C6orf163: variants seen among roughly 807,000 people sequenced by gnomAD.
C6orf163 encodes chromosome 6 open reading frame 163.
Under a neutral mutation model 28.4 loss-of-function variants are expected in C6orf163, and 22 were observed. The ratio of observed to expected loss-of-function variants is 0.78; its 90% CI spans 0.55 to 1.11. C6orf163 has a LOEUF of 1.11. C6orf163 is among the 50% of genes least tolerant of loss of function. The pLI, the probability that C6orf163 is intolerant of heterozygous loss-of-function variation, is 0.00. For missense variants in C6orf163, 342 were observed against 389.1 expected (o/e 0.88, Z 1.02); for synonymous variants, 110 against 123.6 (o/e 0.89, Z 0.73).
chr6:87,353,344 T>G (rs1220455002), intron 3 of C6orf163, among the ~76,000 whole-genome samples: 3 of 152,048 alleles, frequency 2.0e-5, no homozygotes, highest in Non-Finnish European at 4.4e-5. Flanking sequence ...AAAGAAAGGA[T>G]AAATTCTTGA....
intron 4 of C6orf163, among the ~76,000 whole-genome samples, chr6:87,359,890 C>T (rs1777557331): frequency 6.6e-6 from 1 of 152,206 alleles, no homozygotes; most frequent in South Asian, 2.1e-4. Context: ...AGAAGAACCT[C>T]ACTGCTCACA....
rs1777557874 is a variant in C6orf163, at chr6:87,359,934, GC to G, written c.554+3432del. On this transcript the variant is annotated intron_variant, in intron 4 of 4. Coordinates refer to ENST00000388923, the MANE Select transcript of C6orf163 (RefSeq NM_001010868.3). The stretch of plus-strand genomic sequence containing the variant: ...AGACATTCACTTCACATCAGAATGG[GC>G]ATTGGGGGTTATGGAGCTGGACGTG... 3.3e-5 allele frequency among the ~76,000 whole-genome samples: 5 copies of G among 152,308 alleles called. No individual in the cohort carries two copies. In the South Asian group the frequency reaches 6.2e-4, roughly 19 times the overall value.
At chr6:87,352,699 A>G (rs188113245) in intron 3 of C6orf163, among the ~76,000 whole-genome samples, 95 of 152,352 alleles carry the variant, frequency 6.2e-4, no homozygotes, top group Middle Eastern at 3.4e-3. Context: ...AAAAATGTAT[A>G]TATGCCATGA....
At chr6:87,364,691 G>A (rs1486554601) in intron 4 of C6orf163, among the ~76,000 whole-genome samples, 1 of 152,132 alleles carries the variant, frequency 6.6e-6, no homozygotes, top group East Asian at 1.9e-4. Flanking sequence ...TCCTGAAAAA[G>A]GTGATCTCAG....
At chr6:87,350,576 G>GA (rs1220594587) in intron 3 of C6orf163, 75 bp downstream of exon 3, 4 of 838,956 alleles carry the variant, frequency 4.8e-6, no homozygotes, top group Non-Finnish European at 7.4e-6. Context: ...AAGGGAATGA[G>GA]AAAAAAATAA....
rs62417600 is a variant in C6orf163, at chr6:87,351,346, G to C, written c.351+845G>C. Among the ~76,000 whole-genome samples the C allele has an allele frequency of 6.2e-3, 951 of 152,332 alleles. 7 individuals are homozygous for C. Among genetic ancestry groups the C allele is most frequent in the Middle Eastern group, 0.017 (5 of 294 alleles). On this transcript the variant is annotated intron_variant, in intron 3 of 4. Transcript: ENST00000388923. The stretch of plus-strand genomic sequence containing the variant: ...TCTAACTTAGGAACAGTAATGAGCA[G>C]TTCAGGGACTGCAGGCCAATTTATT...
chr6:87,345,916 C>CAAAAAAA (rs3044136), intron 1 of C6orf163, among the ~76,000 whole-genome samples: 486 of 44,610 alleles, frequency 0.011, 40 homozygotes, highest in African/African-American at 0.038. Flanking sequence ...GACTCTGCCT[C>CAAAAAAA]AAAAAAAAAA....
chr6:87,362,179 G>C (rs1222825762), intron 4 of C6orf163, among the ~76,000 whole-genome samples: 1 of 152,134 alleles, frequency 6.6e-6, no homozygotes, highest in African/African-American at 2.4e-5. Flanking sequence ...ATAGTCACAG[G>C]TTATAAGTAA....
intron 4 of C6orf163, among the ~76,000 whole-genome samples, chr6:87,359,779 C>A (rs190858544): frequency 1.1e-3 from 170 of 152,310 alleles, no homozygotes; most frequent in African/African-American, 4.0e-3. Flanking sequence ...ACACACACTA[C>A]AACTATTTTG....
chr6:87,347,710 A>T, intron 1 of C6orf163: 1 of 985,454 alleles, frequency 1.0e-6, no homozygotes, highest in Non-Finnish European at 1.2e-6. Flanking sequence ...ACCCAAGGGA[A>T]ATCTGGCATC....
At chr6:87,345,298 G>T in intron 1 of C6orf163, 51 bp downstream of exon 1, 1 of 1,434,910 alleles carries the variant, frequency 7.0e-7, no homozygotes, top group South Asian at 1.5e-5. Context: ...AGCCTTATGT[G>T]TCATTCTTTC....
chr6:87,345,415 A>G (rs1777308061), intron 1 of C6orf163, among the ~76,000 whole-genome samples, 168 bp downstream of exon 1: 1 of 152,180 alleles, frequency 6.6e-6, no homozygotes, highest in African/African-American at 2.4e-5. Context: ...TTACAGTTGT[A>G]TGTATTGGGC....
chr6:87,352,914 C>T (rs964581619), intron 3 of C6orf163, among the ~76,000 whole-genome samples: 1 of 152,152 alleles, frequency 6.6e-6, no homozygotes. Context: ...GTACAGTTAA[C>T]ATGATGGAGT....
chr6:87,349,040 T>C, intron 2 of C6orf163, 134 bp downstream of exon 2: 1 of 1,108,978 alleles, frequency 9.0e-7, no homozygotes, highest in Non-Finnish European at 1.2e-6. Flanking sequence ...TTGGGCAAGT[T>C]CTACAACCTC....
rs1777602674 is a variant in C6orf163 at position 87,363,121 on chromosome 6, T to G, written c.555-1840T>G. Among the ~76,000 whole-genome samples the G allele has an allele frequency of 2.6e-5, 4 of 152,202 alleles. No individual in the cohort carries two copies. In the South Asian group the frequency reaches 8.3e-4, roughly 31 times the overall value. On this transcript the variant is annotated intron_variant, in intron 4 of 4. Transcript: ENST00000388923. ...AATTGTTTTTGAGGATTCATTGAAT[T>G]AATGTATGCATAGAATGCTCATTAA...
At chr6:87,356,536 C>G in intron 4 of C6orf163, 33 bp downstream of exon 4, 1 of 1,535,422 alleles carries the variant, frequency 6.5e-7, no homozygotes, top group South Asian at 1.2e-5. Flanking sequence ...AAATTAGTAA[C>G]TTCCTTTATC....
At chr6:87,347,826 A>G in intron 1 of C6orf163, 1 of 985,542 alleles carries the variant, frequency 1.0e-6, no homozygotes, top group South Asian at 4.7e-5. Context: ...ATGTGGATCC[A>G]GATAGCTCTA....
At chr6:87,357,992 G>C (rs1777530825) in intron 4 of C6orf163, 1 of 152,174 alleles carries the variant, frequency 6.6e-6, no homozygotes, top group Non-Finnish European at 1.5e-5. Flanking sequence ...AGGCATTCTT[G>C]AAATATTTAT....
intron 4 of C6orf163, among the ~76,000 whole-genome samples, chr6:87,359,768 GAC>G (rs1205937098): frequency 2.0e-5 from 3 of 152,070 alleles, no homozygotes; most frequent in Non-Finnish European, 4.4e-5. Context: ...TATAAATTTG[GAC>G]ACACACTACA....
Sources: gnomAD v4.1 joint callset for allele counts (sites outside exome capture counted in the v4.1 genomes callset) on GRCh38, gnomAD v4.1.1 for gene constraint, MANE v1.5 for transcripts, NCBI Gene and HGNC (gene_info 2026-07-23, HGNC 2026-07-21) for gene names.